Variants in GRIA1 observed in about 807,000 individuals in gnomAD.
The protein encoded by GRIA1 is glutamate receptor 1.
In GRIA1, 31 loss-of-function variants were observed where a neutral mutation model predicts 99.2. That is an observed-to-expected ratio of 0.31 (90% CI 0.23 to 0.42). The LOEUF is 0.42. Among genes scored for constraint, GRIA1 ranks in the 10% least tolerant of loss-of-function variants. GRIA1 has a pLI of 1.00. For synonymous variants in GRIA1, 438 were observed against 432.4 expected, an observed-to-expected ratio of 1.01 and a Z score of -0.16; for missense variants, 782 against 1,157.5, an observed-to-expected ratio of 0.68 and a Z score of 4.71.
intron 11 of GRIA1, among the ~76,000 whole-genome samples, chr5:153,714,180 G>A (rs921794228): frequency 5.9e-5 from 9 of 151,982 alleles, no homozygotes; most frequent in African/African-American, 7.3e-5. Context: ...GCTCCCCCTC[G>A]GCTCTGGATA....
intron 11 of GRIA1, among the ~76,000 whole-genome samples, chr5:153,719,846 G>A (rs1255086677): frequency 2.0e-5 from 3 of 152,104 alleles, no homozygotes; most frequent in Non-Finnish European, 2.9e-5. Flanking sequence ...ATATATTGTG[G>A]AATCATTATG....
chr5:153,518,714 A>G (rs891010075), intron 2 of GRIA1, among the ~76,000 whole-genome samples: 1 of 152,200 alleles, frequency 6.6e-6, no homozygotes, highest in Non-Finnish European at 1.5e-5. Context: ...TTTTTTTCAT[A>G]TAATTGCCAC....
Position 153,613,256 on chromosome 5 carries a change from C to T in GRIA1, c.221-33672C>T, listed in dbSNP as rs142082435. Among the ~76,000 whole-genome samples the T allele has an allele frequency of 8.8e-3, 1,343 of 152,306 alleles. 8 individuals carry two copies. Among genetic ancestry groups the T allele is most frequent in the Middle Eastern group, 0.017 (5 of 294 alleles). On this transcript the variant is annotated intron_variant, in intron 2 of 15. Coordinates refer to ENST00000285900, the MANE Select transcript of GRIA1 (RefSeq NM_000827.4). ...CCACAAGCATTTCAATTCCTCAACA[C>T]CAGCTTTCAGGCAGGAGCAGTTCCA...
intron 2 of GRIA1, among the ~76,000 whole-genome samples, chr5:153,497,094 A>G (rs925832646): frequency 2.0e-5 from 3 of 152,160 alleles, no homozygotes; most frequent in Admixed American, 2.0e-4. Flanking sequence ...TATGGCTACT[A>G]CTACTGGCCA....
chr5:153,810,963 C>A, intron 15 of GRIA1, 62 bp from the exon 16 acceptor site: 1 of 1,168,230 alleles, frequency 8.6e-7, no homozygotes, highest in Non-Finnish European at 1.3e-6. Context: ...CCAGTCTTGA[C>A]TCATTCCCAT....
At chr5:153,598,672 C>A (rs1427963580) in intron 2 of GRIA1, among the ~76,000 whole-genome samples, 1 of 152,052 alleles carries the variant, frequency 6.6e-6, no homozygotes, top group East Asian at 1.9e-4. Context: ...TTAGGAATTT[C>A]TTGTTTCTTC....
At chr5:153,531,541 G>T (rs1174402479) in intron 2 of GRIA1, among the ~76,000 whole-genome samples, 1 of 152,168 alleles carries the variant, frequency 6.6e-6, no homozygotes, top group Non-Finnish European at 1.5e-5. Flanking sequence ...ATAAGTTAAG[G>T]AAGATATTGC....
intron 11 of GRIA1, among the ~76,000 whole-genome samples, chr5:153,763,528 A>G (rs758640684): frequency 1.3e-5 from 2 of 152,228 alleles, no homozygotes; most frequent in African/African-American, 4.8e-5. Context: ...TGAAATGCAA[A>G]TAACTTTACC....
rs1488724047 is a variant in GRIA1, at chr5:153,725,675, A to C, written c.1823+19608A>C. ...TACATAATGGTAAAGGGATCAATTC[A>C]ACAAGAAGAGCTAACTATCCTAAAT... On this transcript the variant is annotated intron_variant, in intron 11 of 15. Coordinates refer to ENST00000285900, the MANE Select transcript of GRIA1 (RefSeq NM_000827.4). Among the ~76,000 whole-genome samples, 4 of 105,546 alleles carry C rather than the reference A, an allele frequency of 3.8e-5. 1 individual carries two copies. The allele number at this position is 105,546 out of a possible 152,430, so 69.2% of individuals were successfully genotyped here. A position where few individuals can be genotyped will look rare whatever the true frequency, so the allele number is the denominator to read the frequency against.
chr5:153,730,150 G>A (rs1031231374), intron 11 of GRIA1, among the ~76,000 whole-genome samples: 6 of 152,018 alleles, frequency 3.9e-5, no homozygotes, highest in African/African-American at 1.4e-4. Context: ...TAGGGATCTT[G>A]TTAAAATGCA....
chr5:153,516,464 T>G (rs773128284), intron 2 of GRIA1, among the ~76,000 whole-genome samples: 4 of 152,036 alleles, frequency 2.6e-5, no homozygotes, highest in African/African-American at 9.6e-5. Flanking sequence ...ATTTTACCAA[T>G]GAACAAAGGC....
At chr5:153,608,423 C>A (rs936677443) in intron 2 of GRIA1, among the ~76,000 whole-genome samples, 1 of 152,032 alleles carries the variant, frequency 6.6e-6, no homozygotes, top group Non-Finnish European at 1.5e-5. Flanking sequence ...CATTCTTTTC[C>A]ATATTTTCTA....
At chr5:153,677,293 T>A (rs1756660603) in intron 7 of GRIA1, 132 bp downstream of exon 7, 1 of 630,228 alleles carries the variant, frequency 1.6e-6, no homozygotes, top group Non-Finnish European at 2.3e-6. Flanking sequence ...ACTGCATTGT[T>A]GGTGTTGGTG....
chr5:153,789,203 G>A (rs1398312967), intron 13 of GRIA1, among the ~76,000 whole-genome samples: 1 of 151,934 alleles, frequency 6.6e-6, no homozygotes, highest in Non-Finnish European at 1.5e-5. Context: ...GTTTGTTATT[G>A]TTTCTTAAAA....
intron 2 of GRIA1, among the ~76,000 whole-genome samples, chr5:153,603,846 A>G (rs1031954871): frequency 2.0e-5 from 3 of 152,206 alleles, no homozygotes; most frequent in African/African-American, 7.2e-5. Context: ...GACAGGTCCA[A>G]TAATTCCCCA....
intron 5 of GRIA1, among the ~76,000 whole-genome samples, chr5:153,662,983 G>A (rs568312803): frequency 1.3e-5 from 2 of 152,194 alleles, no homozygotes; most frequent in South Asian, 2.1e-4. Context: ...TCACTGTTCG[G>A]TAACAGACAC....
chr5:153,592,037 A>G (rs1168324971), intron 2 of GRIA1, among the ~76,000 whole-genome samples: 1 of 151,772 alleles, frequency 6.6e-6, no homozygotes, highest in Admixed American at 6.6e-5. Flanking sequence ...CTTTTGCCCC[A>G]CCTTAGTTTT....
At chr5:153,505,433 A>G (rs1755403199) in intron 2 of GRIA1, among the ~76,000 whole-genome samples, 1 of 152,366 alleles carries the variant, frequency 6.6e-6, no homozygotes, top group Middle Eastern at 3.4e-3. Flanking sequence ...ATTAGTAGAT[A>G]TGTTTGAAGC....
At chr5:153,538,509 C>A (rs770696246) in intron 2 of GRIA1, among the ~76,000 whole-genome samples, 5 of 152,070 alleles carry the variant, frequency 3.3e-5, no homozygotes, top group African/African-American at 1.2e-4. Flanking sequence ...TCCCACCACC[C>A]AAGGTCTGGC....
Sources: allele counts gnomAD v4.1 joint callset (sites outside exome capture counted in the v4.1 genomes callset), GRCh38; gene constraint gnomAD v4.1.1; transcripts MANE v1.5; gene names NCBI Gene and HGNC (gene_info 2026-07-23, HGNC 2026-07-21).